ZBTB40: variants seen among roughly 807,000 people sequenced by gnomAD.
ZBTB40 encodes the protein zinc finger and BTB domain-containing protein 40.
In ZBTB40, 60 loss-of-function variants were observed where a neutral mutation model predicts 117.5. That is an observed-to-expected ratio of 0.51 (90% CI 0.41 to 0.63). The LOEUF (loss-of-function observed/expected upper bound fraction) is 0.63. ZBTB40 is among the 30% of genes least tolerant of loss of function. The pLI is 0.00. For synonymous variants in ZBTB40, 525 were observed against 577.1 expected (o/e 0.91, Z 1.29); for missense variants, 1,287 against 1,498.5 (o/e 0.86, Z 2.33).
chr1:22,462,924 G>A (rs1641164702), intron 1 of ZBTB40, among the ~76,000 whole-genome samples: 1 of 152,204 alleles, frequency 6.6e-6, no homozygotes, highest in African/African-American at 2.4e-5. Flanking sequence ...AAGTGATGAA[G>A]CAGAATGATA....
In ZBTB40 at chr1:22,520,288, G is replaced by A; in HGVS notation, c.3048+13G>A. On this transcript the variant is annotated intron_variant, in intron 14 of 17. Transcript: ENST00000375647. Reference sequence around the variant, plus strand: ...CAAGGCCTACCAGGTGACCTCAGGTGCCACTGGGAGCTCTTCCCCTCACCC... The same window carrying A: ...CAAGGCCTACCAGGTGACCTCAGGTACCACTGGGAGCTCTTCCCCTCACCC... The A allele has an allele frequency of 1.2e-6, 2 of 1,604,016 alleles. No homozygotes were observed. The highest frequency in any genetic ancestry group is 8.5e-7 in the Non-Finnish European group (1 of 1,176,830).
Position 22,524,290 on chromosome 1 carries a change from C to T in ZBTB40, c.3371C>T (p.Thr1124Ile). ...RFPGALQHHV[T>I]TEHFKQSETT... Reference sequence around the variant, plus strand: ...CCTGGAGCATTGCAGCACCATGTCACCACGGAGCACTTCAAGCAGTCAGAG... The same window carrying T: ...CCTGGAGCATTGCAGCACCATGTCATCACGGAGCACTTCAAGCAGTCAGAG... Residue 1124 changes from threonine (T) to isoleucine (I), a missense_variant, in exon 17 of 18, where the codon ACC (threonine) becomes ATC (isoleucine). Physicochemically the swap from Thr to Ile is moderately conservative, Grantham distance 89. Coordinates refer to ENST00000375647, the MANE Select transcript of ZBTB40 (RefSeq NM_014870.4). 2 of 1,614,182 alleles carry T rather than the reference C, an allele frequency of 1.2e-6. No individual in the cohort carries two copies. Among genetic ancestry groups the T allele is most frequent in the Admixed American group, 1.7e-5 (1 of 60,022 alleles).
At chr1:22,471,848 C>T (rs186423308) in intron 1 of ZBTB40, among the ~76,000 whole-genome samples, 12 of 152,342 alleles carry the variant, frequency 7.9e-5, no homozygotes, top group Non-Finnish European at 1.5e-4. Context: ...ATACCACACA[C>T]CACGTAGGCC....
rs769903953 is a variant in ZBTB40 at position 22,501,678 on chromosome 1, C to G, written c.1018C>G (p.Pro340Ala). Residue 340 changes from proline to alanine, a missense_variant, in exon 4 of 18, where the codon CCA becomes GCA. Pro to Ala is a conservative substitution (Grantham distance 27). Transcript: ENST00000375647. ...RKPEDVDTVQ[P>A]KGSTEEGKTL... ...GCCAGAAGATGTAGACACAGTGCAGCCAAAAGGTAGGAGAAGATCCTATGC... is the reference window on the plus strand; with the variant it reads ...GCCAGAAGATGTAGACACAGTGCAGGCAAAAGGTAGGAGAAGATCCTATGC... The G allele has an allele frequency of 2.5e-6, 4 of 1,613,468 alleles. No individual in the cohort carries two copies. Among genetic ancestry groups the G allele is most frequent in the African/African-American group, 1.3e-5 (1 of 74,962 alleles).
intron 1 of ZBTB40, among the ~76,000 whole-genome samples, chr1:22,435,529 C>A (rs1280549142): frequency 1.3e-5 from 2 of 151,854 alleles, no homozygotes; most frequent in Non-Finnish European, 2.9e-5. Flanking sequence ...GTTATATAAT[C>A]CTGTTATCTC....
intron 3 of ZBTB40, among the ~76,000 whole-genome samples, chr1:22,498,688 A>G (rs1345848651): frequency 2.0e-5 from 3 of 152,104 alleles, no homozygotes; most frequent in South Asian, 2.1e-4. Flanking sequence ...AGATGCCACC[A>G]TTGACGAAAG....
chr1:22,526,066 C>G, intron 17 of ZBTB40, 136 bp from the exon 18 acceptor site: 1 of 994,700 alleles, frequency 1.0e-6, no homozygotes, highest in African/African-American at 1.6e-5. Flanking sequence ...CTTGCCTCTT[C>G]CCATTAGGCA....
chr1:22,525,693 G>A (rs1639657061), intron 17 of ZBTB40, among the ~76,000 whole-genome samples: 1 of 152,266 alleles, frequency 6.6e-6, no homozygotes, highest in African/African-American at 2.4e-5. Context: ...TGGAGTCACA[G>A]TTCATCCAGT....
chr1:22,524,870 C>CA (rs1487750604), intron 17 of ZBTB40, among the ~76,000 whole-genome samples: 1 of 152,104 alleles, frequency 6.6e-6, no homozygotes, highest in Non-Finnish European at 1.5e-5. Flanking sequence ...TTTACCTGGG[C>CA]AAAAAAACCA....
intron 3 of ZBTB40, among the ~76,000 whole-genome samples, chr1:22,500,273 A>G (rs948193362): frequency 1.6e-4 from 24 of 152,226 alleles, no homozygotes; most frequent in African/African-American, 5.5e-4. Flanking sequence ...AGAAGCATCT[A>G]GAAGAGTCAA....
At chr1:22,521,460 C>A (rs374194910) in intron 14 of ZBTB40, 36 bp from the exon 15 acceptor site, 15 of 1,614,174 alleles carry the variant, frequency 9.3e-6, no homozygotes, top group Admixed American at 1.7e-5. Flanking sequence ...CTTGCTGGAA[C>A]TTTCTAAGAC....
chr1:22,481,269 T>A (rs1384467817), intron 1 of ZBTB40, among the ~76,000 whole-genome samples: 4 of 152,220 alleles, frequency 2.6e-5, no homozygotes, highest in Non-Finnish European at 4.4e-5. Context: ...AAAAGTCTGT[T>A]TTTTAATTAT....
At chr1:22,511,047 G>A (rs1470785190) in intron 9 of ZBTB40, 132 bp from the exon 10 acceptor site, 12 of 1,130,298 alleles carry the variant, frequency 1.1e-5, no homozygotes, top group African/African-American at 3.1e-5. Context: ...ATCACAAGGC[G>A]ATGTATAAAC....
chr1:22,507,978 T>C lies in ZBTB40; in HGVS notation c.1361-23T>C, dbSNP rs367923669. 236 of 1,614,180 alleles carry C rather than the reference T, an allele frequency of 1.5e-4. 4 individuals carry two copies. The South Asian group carries it at 1.9e-3, about 13-fold the overall frequency. ...GGAGGTTTTGTTGCATCAAACATTA[T>C]TGTTTTGCTAATATCCTTACAGTCC... On this transcript the variant is annotated intron_variant, in intron 6 of 17. Coordinates refer to ENST00000375647, the MANE Select transcript of ZBTB40 (RefSeq NM_014870.4).
intron 1 of ZBTB40, among the ~76,000 whole-genome samples, chr1:22,441,422 T>C (rs886373776): frequency 1.3e-5 from 2 of 151,864 alleles, no homozygotes; most frequent in Non-Finnish European, 2.9e-5. Context: ...TTTCCTATTG[T>C]TTTTCTGTTC....
chr1:22,493,794 G>T (rs199600777), intron 3 of ZBTB40, among the ~76,000 whole-genome samples: 21 of 133,796 alleles, frequency 1.6e-4, no homozygotes, highest in Admixed American at 3.9e-4. Context: ...ATTCACCCAT[G>T]TTTTTTTTTT....
In ZBTB40 at chr1:22,526,639, C is replaced by T. The variant is rs771509933; in HGVS notation, c.*243C>T. ...AGACAGGCCTCCCTCCCCACAGGCCCGCTGCTGCGGCCTCTATGACACTGT... is the reference window on the plus strand; with the variant it reads ...AGACAGGCCTCCCTCCCCACAGGCCTGCTGCTGCGGCCTCTATGACACTGT... On this transcript the variant is annotated 3_prime_UTR_variant, in exon 18 of 18. Coordinates refer to ENST00000375647, the MANE Select transcript of ZBTB40 (RefSeq NM_014870.4). 8 of 524,704 alleles carry T rather than the reference C, an allele frequency of 1.5e-5. No homozygotes were observed. The highest frequency in any genetic ancestry group is 1.9e-5 in the South Asian group (1 of 51,682). The allele number at this position is 524,704 out of a possible 1,614,324, so 32.5% of individuals were successfully genotyped here.
chr1:22,449,650 C>A (rs1640832176), upstream of ZBTB40, among the ~76,000 whole-genome samples: 1 of 152,174 alleles, frequency 6.6e-6, no homozygotes, highest in Non-Finnish European at 1.5e-5. Context: ...AGATTCCTTT[C>A]CATATTTCCT....
At chr1:22,521,784 C>A in intron 15 of ZBTB40, 126 bp downstream of exon 15, 2 of 1,366,078 alleles carry the variant, frequency 1.5e-6, no homozygotes, top group Non-Finnish European at 2.1e-6. Flanking sequence ...TTTGTTCTGC[C>A]CCAGCGCACC....
Sources: gnomAD v4.1 joint callset for allele counts (sites outside exome capture counted in the v4.1 genomes callset) on GRCh38, gnomAD v4.1.1 for gene constraint, MANE v1.5 for transcripts, NCBI Gene and HGNC (gene_info 2026-07-23, HGNC 2026-07-21) for gene names.